The following EXOC7 variants were observed in gnomAD, a reference collection of about 807,000 sequenced individuals.
EXOC7 encodes exocyst complex component 7.
In EXOC7, 51 loss-of-function variants were observed where a neutral mutation model predicts 87.6. The observed-to-expected ratio is 0.58, with a 90% CI of 0.46 to 0.73. The LOEUF (loss-of-function observed/expected upper bound fraction) is 0.73. EXOC7 is among the 30% of genes least tolerant of loss of function. The pLI is 0.00. For missense variants in EXOC7, 744 were observed against 888.4 expected (o/e 0.84, Z 2.07); for synonymous variants, 327 against 357.1 (o/e 0.92, Z 0.95).
intron 10 of EXOC7, 87 bp downstream of exon 10, chr17:76,088,377 T>C: frequency 1.5e-6 from 2 of 1,357,272 alleles, no homozygotes; most frequent in Admixed American, 1.9e-5. Flanking sequence ...ACGCACCCTC[T>C]TGGAGGCCTG....
chr17:76,095,237 C>T (rs1235710113), intron 5 of EXOC7, among the ~76,000 whole-genome samples: 1 of 151,424 alleles, frequency 6.6e-6, no homozygotes, highest in Non-Finnish European at 1.5e-5. Flanking sequence ...GCTGGGATTA[C>T]AGGCATGAGC....
rs2067645442 is a variant in EXOC7 at position 76,094,377 on chromosome 17, C to T, written c.808+37G>A. ...AAAGCAGTACAGTCCCAGTCAGCCT[C>T]TGGCTGTTGCAGAGATGGGCCAGGA... On this transcript the variant is annotated intron_variant, in intron 6 of 18. Transcript: ENST00000589210. 4 of 1,595,722 alleles carry T rather than the reference C, an allele frequency of 2.5e-6. No homozygotes were observed. In the African/African-American group the frequency reaches 4.0e-5, roughly 16 times the overall value.
chr17:76,088,401 C>T (rs2067309307), intron 10 of EXOC7, 63 bp downstream of exon 10: 7 of 1,519,558 alleles, frequency 4.6e-6, no homozygotes, highest in East Asian at 2.3e-5. Context: ...TGAGAGTCCC[C>T]CAGGGCCAGG....
In EXOC7 at chr17:76,097,791, C is replaced by T. The variant is rs757436312; in HGVS notation, c.640+5G>A. On this transcript the variant is annotated splice_donor_5th_base_variant and intron_variant, in intron 5 of 18. Transcript: ENST00000589210. Reference sequence around the variant, plus strand: ...GTGTCATGTGGCCAAGCCAGAATCCCTTACCTTGGTTGCGGCCATATTCCA... The same window carrying T: ...GTGTCATGTGGCCAAGCCAGAATCCTTTACCTTGGTTGCGGCCATATTCCA... The T allele has an allele frequency of 4.7e-5, 75 of 1,607,512 alleles. No individual in the cohort carries two copies. Among genetic ancestry groups the T allele is most frequent in the Non-Finnish European group, 6.0e-5 (71 of 1,175,910 alleles).
At chr17:76,090,085 C>T (rs772669513) in intron 7 of EXOC7, among the ~76,000 whole-genome samples, 1 of 152,278 alleles carries the variant, frequency 6.6e-6, no homozygotes, top group Non-Finnish European at 1.5e-5. Context: ...TCCCTCTCTG[C>T]CTGCTTTCCG....
rs894644010 is a variant in EXOC7, at chr17:76,103,379, G to T, written c.108C>A (p.Asp36Glu). Residue 36 changes from aspartate to glutamate, a missense_variant, in exon 2 of 19, where the codon GAC (aspartate) becomes GAA (glutamate). Asp to Glu is a conservative substitution (Grantham distance 45). This residue lies in a region of EXOC7 where 512 missense variants were observed against 573.0 expected (regional missense o/e 0.89). Coordinates refer to ENST00000589210, the MANE Select transcript of EXOC7 (RefSeq NM_001013839.4). ...SFIRDSLEKS[D>E]QLTKNMVSIL... Reference sequence around the variant, plus strand: ...GACTCACCATGTTCTTAGTGAGCTGGTCGCTCTTCTCCAGGCTGTCTCGGA... The same window carrying T: ...GACTCACCATGTTCTTAGTGAGCTGTTCGCTCTTCTCCAGGCTGTCTCGGA... The T allele has an allele frequency of 1.9e-6, 3 of 1,605,512 alleles. No individual in the cohort carries two copies. Among genetic ancestry groups the T allele is most frequent in the Non-Finnish European group, 2.6e-6 (3 of 1,176,084 alleles).
At chr17:76,086,277 T>A in intron 12 of EXOC7, 132 bp from the exon 13 acceptor site, 1 of 902,534 alleles carries the variant, frequency 1.1e-6, no homozygotes, top group Non-Finnish European at 1.7e-6. Context: ...GCTGGCTGCC[T>A]GCTAAGCCAC....
chr17:76,089,160 G>A lies in EXOC7; in HGVS notation c.1047+15C>T, dbSNP rs372490708. 17 of 1,611,824 alleles carry A rather than the reference G, an allele frequency of 1.1e-5. No homozygotes were observed. The African/African-American group carries it at 1.2e-4, about 11-fold the overall frequency. ...TGCTGGGGCTGGCTGCAGAGCCCCC[G>A]GGGCGGGGCGGGACCTGTATCAGGG... is the stretch of plus-strand genomic sequence containing the variant. On this transcript the variant is annotated intron_variant, in intron 8 of 18. Transcript: ENST00000589210.
intron 1 of EXOC7, 101 bp from the exon 2 acceptor site, chr17:76,103,527 G>A: frequency 6.4e-7 from 1 of 1,558,050 alleles, no homozygotes; most frequent in Middle Eastern, 1.7e-4. Flanking sequence ...TCTCCTCGCT[G>A]GGTGCGCTCC....
At chr17:76,102,149 C>A (rs2068093125) in intron 2 of EXOC7, among the ~76,000 whole-genome samples, 1 of 152,154 alleles carries the variant, frequency 6.6e-6, no homozygotes, top group African/African-American at 2.4e-5. Context: ...TCCCTTCCAC[C>A]CTTTGAAGCC....
At position 76,103,668 on chromosome 17, in the gene EXOC7, C is replaced by G; in HGVS notation, c.25G>C (p.Ala9Pro). 2.5e-6 allele frequency: 4 copies of G among 1,613,156 alleles called. No homozygotes were observed. The highest frequency in any genetic ancestry group is 3.4e-6 in the Non-Finnish European group (4 of 1,179,624). The change falls in exon 1 of 19, where the codon GCT (alanine) becomes CCT (proline). Residue 9 changes from alanine (A) to proline (P), a missense_variant. Ala to Pro is a conservative substitution (Grantham distance 27). Around this residue, in one of 3 missense-constraint regions of EXOC7, gnomAD observed 512 missense variants for 573.0 expected, o/e 0.89. Transcript: ENST00000589210. MIPPQEAS[A>P]RRREIEDKLK... ...TTGTCCTCAATCTCCCGCCGTCGAG[C>G]GGATGCCTCCTGTGGGGGAATCATC...
intron 4 of EXOC7, among the ~76,000 whole-genome samples, chr17:76,098,949 A>C (rs1039635924): frequency 5.9e-5 from 9 of 152,168 alleles, no homozygotes; most frequent in African/African-American, 2.2e-4. Flanking sequence ...GGTTTGCAAA[A>C]GAAAATAAAT....
At chr17:76,098,162 G>T in intron 4 of EXOC7, 144 bp from the exon 5 acceptor site, 1 of 649,708 alleles carries the variant, frequency 1.5e-6, no homozygotes, top group Admixed American at 2.9e-5. Flanking sequence ...TTTTGAGAGG[G>T]AGTCTCGCTC....
At position 76,091,207 on chromosome 17, in the gene EXOC7, C is replaced by T; in HGVS notation, c.837G>A (p.Leu279=). The T allele has an allele frequency of 3.1e-6, 5 of 1,614,134 alleles. No individual in the cohort carries two copies. The highest frequency in any genetic ancestry group is 4.2e-6 in the Non-Finnish European group (5 of 1,180,004). The change falls in exon 7 of 19, where the codon CTG becomes CTA. Residue 279 remains leucine (L), a synonymous_variant. Transcript: ENST00000589210. The part of the protein sequence containing the change: ...PGTIRKAQNL[L]KQYSQHGLDG... The stretch of plus-strand genomic sequence containing the variant: ...CTAGACCATGCTGGGAATACTGTTT[C>T]AGAAGGTTCTGAGCCTTACGGATCG...
intron 6 of EXOC7, among the ~76,000 whole-genome samples, chr17:76,092,075 C>T (rs964910345): frequency 2.0e-5 from 3 of 152,248 alleles, no homozygotes; most frequent in Non-Finnish European, 2.9e-5. Flanking sequence ...GAAATCAACT[C>T]GCATCTCAAG....
chr17:76,098,166 C>T, intron 4 of EXOC7, 148 bp from the exon 5 acceptor site: 1 of 634,060 alleles, frequency 1.6e-6, no homozygotes, highest in Non-Finnish European at 2.7e-6. Flanking sequence ...GAGAGGGAGT[C>T]TCGCTCTGTC....
chr17:76,084,078 G>T lies in EXOC7; in HGVS notation c.1880C>A (p.Thr627Lys). ...CTGGCGAATCCTGTCCCTCTGCTCTGTGTCTGGAATAGCCCAGGCCTTCTG... is the reference window on the plus strand; with the variant it reads ...CTGGCGAATCCTGTCCCTCTGCTCTTTGTCTGGAATAGCCCAGGCCTTCTG... ...KIQKAWAIPDTEQRDRIRQAQ... is the reference protein window; with the variant it reads ...KIQKAWAIPDKEQRDRIRQAQ... Residue 627 changes from threonine (T) to lysine (K), a missense_variant, in exon 18 of 19, where the codon ACA (threonine) becomes AAA (lysine). By Grantham distance (78) the Thr-to-Lys change is moderately conservative. Transcript: ENST00000589210. 6.2e-7 allele frequency: 1 copy of T among 1,611,102 alleles called. No individual in the cohort carries two copies. The highest frequency in any genetic ancestry group is 8.5e-7 in the Non-Finnish European group (1 of 1,179,106).
intron 8 of EXOC7, 34 bp downstream of exon 8, chr17:76,089,141 G>A: frequency 6.2e-7 from 1 of 1,610,202 alleles, no homozygotes; most frequent in Non-Finnish European, 8.5e-7. Context: ...CTCTTGCTGG[G>A]GCTGGCTGCA....
At chr17:76,089,089 G>A (rs1567968039) in intron 8 of EXOC7, 86 bp downstream of exon 8, 1 of 1,581,092 alleles carries the variant, frequency 6.3e-7, no homozygotes, top group Non-Finnish European at 8.6e-7. Context: ...CGAGGTGGTG[G>A]TGGTGGGTGG....
Sources: gnomAD v4.1 joint callset for allele counts (sites outside exome capture counted in the v4.1 genomes callset) on GRCh38, gnomAD v4.1.1 for gene constraint, gnomAD v4.1.1 regional missense constraint, MANE v1.5 for transcripts, NCBI Gene and HGNC (gene_info 2026-07-23, HGNC 2026-07-21) for gene names.